SHOC1: variants seen among roughly 807,000 people sequenced by gnomAD.
SHOC1 encodes the protein protein shortage in chiasmata 1 ortholog.
Under a neutral mutation model 179.2 loss-of-function variants are expected in SHOC1, and 136 were observed. The ratio of observed to expected loss-of-function variants is 0.76; its 90% CI spans 0.66 to 0.87. The LOEUF is 0.87. Ranked by LOEUF, SHOC1 falls within the 40% of genes least tolerant of loss-of-function variation. The pLI is 0.00. For missense variants in SHOC1, 1,538 were observed against 1,700.8 expected, an observed-to-expected ratio of 0.90 and a Z score of 1.68; for synonymous variants, 489 against 586.6, an observed-to-expected ratio of 0.83 and a Z score of 2.41.
At chr9:111,774,566 G>A (rs1026337746) in intron 5 of SHOC1, among the ~76,000 whole-genome samples, 3 of 152,028 alleles carry the variant, frequency 2.0e-5, no homozygotes, top group Admixed American at 6.6e-5. Flanking sequence ...AGTAGACTTG[G>A]ACTGAAAATT....
At chr9:111,687,536 T>TA (rs1415013108) in intron 27 of SHOC1, among the ~76,000 whole-genome samples, 1 of 152,224 alleles carries the variant, frequency 6.6e-6, no homozygotes, top group East Asian at 1.9e-4. Flanking sequence ...CTAACATTTT[T>TA]AAGTAAAAAC....
chr9:111,750,196 TG>T (rs1217121877), intron 8 of SHOC1, among the ~76,000 whole-genome samples: 6 of 152,216 alleles, frequency 3.9e-5, no homozygotes, highest in African/African-American at 9.6e-5. Flanking sequence ...CAACATCTAT[TG>T]TTTTTTTACT....
rs758506342 is a variant in SHOC1 at position 111,775,783 on chromosome 9, C to T, written c.442+8G>A. 1.2e-5 allele frequency: 19 copies of T among 1,591,644 alleles called. No individual in the cohort carries two copies. Among genetic ancestry groups the T allele is most frequent in the Admixed American group, 1.1e-4 (6 of 54,686 alleles). ...ATGTTTTACAACAATATAAAATAAA[C>T]GTTTTACCTTGGTTCTGGTTTTGAA... On this transcript the variant is annotated splice_region_variant and intron_variant, in intron 5 of 27. Coordinates refer to ENST00000682961, the MANE Select transcript of SHOC1 (RefSeq NM_001378211.1).
In SHOC1 at chr9:111,714,609, C is replaced by G. The variant is rs1361842395; in HGVS notation, c.2251G>C (p.Ala751Pro). 6.2e-7 allele frequency: 1 copy of G among 1,609,978 alleles called. No homozygotes were observed. The highest frequency in any genetic ancestry group is 2.2e-5 in the East Asian group (1 of 44,710). Residue 751 changes from alanine (A) to proline (P), a missense_variant, in exon 17 of 28, where the codon GCA becomes CCA. Physicochemically the swap from Ala to Pro is conservative, Grantham distance 27 (BLOSUM62 -1). Transcript: ENST00000682961. Reference sequence around the variant, plus strand: ...AAAATGCTGTTGTAGATATCTTTTGCCTTCGACAAATATCCTATTGAAGCA... The same window carrying G: ...AAAATGCTGTTGTAGATATCTTTTGGCTTCGACAAATATCCTATTGAAGCA... Reference protein sequence around the residue: ...LDTALGYLSKAKDIYNSILGP... With the variant: ...LDTALGYLSKPKDIYNSILGP...
intron 27 of SHOC1, among the ~76,000 whole-genome samples, chr9:111,688,486 A>G (rs1831282584): frequency 6.6e-6 from 1 of 152,188 alleles, no homozygotes; most frequent in Non-Finnish European, 1.5e-5. Context: ...ACATTCACAG[A>G]TGAAAACAGT....
chr9:111,783,084 A>G (rs550500937), intron 3 of SHOC1, among the ~76,000 whole-genome samples: 2 of 152,166 alleles, frequency 1.3e-5, no homozygotes, highest in South Asian at 4.1e-4. Context: ...AATTGTTTCC[A>G]TTGGCAAACA....
chr9:111,722,444 T>C lies in SHOC1; in HGVS notation c.2096A>G (p.Glu699Gly), dbSNP rs1833100761. 1 of 1,608,568 alleles carries C rather than the reference T, an allele frequency of 6.2e-7. No individual in the cohort carries two copies. The highest frequency in any genetic ancestry group is 8.5e-7 in the Non-Finnish European group (1 of 1,178,962). Residue 699 changes from glutamate to glycine, a missense_variant, in exon 15 of 28, where the codon GAA becomes GGA. Physicochemically the swap from Glu to Gly is moderately conservative, Grantham distance 98 (BLOSUM62 -2). Coordinates refer to ENST00000682961, the MANE Select transcript of SHOC1 (RefSeq NM_001378211.1). ...AGCATCACTTACTACTTTTTCTTGT[T>C]CCTTTAAGAGAAACCTTGTTTGGTC... ...IFDQTRFLLK[E>G]QEKVVSDAVR... is the part of the protein sequence containing the mutation.
chr9:111,755,877 C>T (rs1400045318), intron 8 of SHOC1, among the ~76,000 whole-genome samples: 1 of 152,054 alleles, frequency 6.6e-6, no homozygotes, highest in Admixed American at 6.5e-5. Flanking sequence ...AATCTTAGCA[C>T]TTTGGGAGGC....
At chr9:111,745,251 AC>A (rs1379000924) in intron 10 of SHOC1, among the ~76,000 whole-genome samples, 2 of 152,218 alleles carry the variant, frequency 1.3e-5, no homozygotes, top group Non-Finnish European at 2.9e-5. Context: ...CAGACCTATG[AC>A]AAATCTTTTA....
intron 20 of SHOC1, 101 bp downstream of exon 20, chr9:111,706,467 C>T: frequency 2.4e-6 from 2 of 844,612 alleles, no homozygotes; most frequent in Non-Finnish European, 3.4e-6. Flanking sequence ...GAACTCAAGG[C>T]TTCTAATGTC....
In SHOC1 at chr9:111,699,967, T is replaced by G. The variant is rs1266173523; in HGVS notation, c.3170A>C (p.Glu1057Ala). 21 of 1,604,510 alleles carry G rather than the reference T, an allele frequency of 1.3e-5. No homozygotes were observed. Among genetic ancestry groups the G allele is most frequent in the Non-Finnish European group, 1.7e-5 (20 of 1,174,254 alleles). Reference sequence around the variant, plus strand: ...GGAAAAGAATACCTTTACATCCAGTTCTTCAGAGTTTAGCCCAAATGAAAC... The same window carrying G: ...GGAAAAGAATACCTTTACATCCAGTGCTTCAGAGTTTAGCCCAAATGAAAC... ...ALVSFGLNSE[E>A]LDVKLIIAPG... Residue 1057 changes from glutamate (E) to alanine (A), a missense_variant, in exon 24 of 28, where the codon GAA becomes GCA. Coordinates refer to ENST00000682961, the MANE Select transcript of SHOC1 (RefSeq NM_001378211.1).
rs1251374112 is a variant in SHOC1, at chr9:111,700,046, A to T, written c.3091T>A (p.Tyr1031Asn). The T allele has an allele frequency of 6.8e-7, 1 of 1,472,042 alleles. No individual in the cohort carries two copies. Among genetic ancestry groups the T allele is most frequent in the Non-Finnish European group, 9.4e-7 (1 of 1,061,546 alleles). The allele number at this position is 1,472,042 out of a possible 1,614,324, so 91.2% of individuals were successfully genotyped here. ...LYTKETLNSE[Y>N]LLTEKTLHHL... Reference sequence around the variant, plus strand: ...TGAAGTGTCTTTTCTGTAAGCAGATACCTACAAAGAATTATATTACTATAT... The same window carrying T: ...TGAAGTGTCTTTTCTGTAAGCAGATTCCTACAAAGAATTATATTACTATAT... The change falls in exon 24 of 28, where the codon TAT becomes AAT. Residue 1031 changes from tyrosine (Y) to asparagine (N), a missense_variant and splice_region_variant. By Grantham distance (143) the Tyr-to-Asn change is moderately radical. Transcript: ENST00000682961.
intron 2 of SHOC1, among the ~76,000 whole-genome samples, chr9:111,789,272 A>T (rs1836369737): frequency 6.6e-6 from 1 of 152,208 alleles, no homozygotes; most frequent in Admixed American, 6.5e-5. Context: ...AAAGATTCAC[A>T]GTAAATAGGA....
intron 17 of SHOC1, among the ~76,000 whole-genome samples, 161 bp from the exon 18 acceptor site, chr9:111,713,333 CAAGG>C (rs1294172092): frequency 2.0e-5 from 3 of 152,056 alleles, no homozygotes; most frequent in Non-Finnish European, 2.9e-5. Context: ...TACTTAAACT[CAAGG>C]AATATATTCT....
intron 5 of SHOC1, among the ~76,000 whole-genome samples, chr9:111,759,791 C>A (rs1835058046): frequency 6.6e-6 from 1 of 152,144 alleles, no homozygotes; most frequent in Non-Finnish European, 1.5e-5. Context: ...TAATGTCTCC[C>A]ACGGTTAACT....
chr9:111,738,474 T>G lies in SHOC1; in HGVS notation c.1223A>C (p.Lys408Thr). Reference protein sequence around the residue: ...PHSQYSVTDLKKIFSVKEESL... With the variant: ...PHSQYSVTDLTKIFSVKEESL... ...TTCTTCTTTAACAGAAAATATCTTTTTCAAATCTGTAACTGAATATTGGCT... is the reference window on the plus strand; with the variant it reads ...TTCTTCTTTAACAGAAAATATCTTTGTCAAATCTGTAACTGAATATTGGCT... Residue 408 changes from lysine to threonine, a missense_variant, in exon 12 of 28, where the codon AAA becomes ACA. By Grantham distance (78) the Lys-to-Thr change is moderately conservative (BLOSUM62 -1). Coordinates refer to ENST00000682961, the MANE Select transcript of SHOC1 (RefSeq NM_001378211.1). 2.5e-6 allele frequency: 4 copies of G among 1,602,160 alleles called. 1 individual carries two copies. The South Asian group carries it at 3.4e-5, about 14-fold the overall frequency.
chr9:111,741,474 A>G lies in SHOC1; in HGVS notation c.1174+2T>C. On this transcript the variant is annotated splice_donor_variant, in intron 11 of 27. Transcript: ENST00000682961. LOFTEE classifies it high-confidence loss of function. ...TATCACTTAAAGGCAATTAATCTTT[A>G]CCTGTAAGCAAAAATGGGTTCAAAG... 1 of 1,576,464 alleles carries G rather than the reference A, an allele frequency of 6.3e-7. No homozygotes were observed. Among genetic ancestry groups the G allele is most frequent in the South Asian group, 1.1e-5 (1 of 89,676 alleles).
In SHOC1 at chr9:111,782,597, G is replaced by A. The variant is rs111432342; in HGVS notation, c.170-1580C>T. Among the ~76,000 whole-genome samples, 525 of 151,930 alleles carry A rather than the reference G, an allele frequency of 3.5e-3. 2 individuals are homozygous for A. The highest frequency in any genetic ancestry group is 0.012 in the African/African-American group (490 of 41,418). ...TTACTGGAAAAAAAATCACCCAGCC[G>A]TGCTAAAGGAACTCATTCCAAATTA... is the stretch of plus-strand genomic sequence containing the variant. On this transcript the variant is annotated intron_variant, in intron 3 of 27. Coordinates refer to ENST00000682961, the MANE Select transcript of SHOC1 (RefSeq NM_001378211.1).
chr9:111,723,542 T>C (rs1833163092), intron 14 of SHOC1, among the ~76,000 whole-genome samples: 1 of 152,128 alleles, frequency 6.6e-6, no homozygotes, highest in South Asian at 2.1e-4. Flanking sequence ...CAGATTGATA[T>C]AGGGAAGCAG....
Sources: gnomAD v4.1 joint callset for allele counts (sites outside exome capture counted in the v4.1 genomes callset) on GRCh38, gnomAD v4.1.1 for gene constraint, MANE v1.5 for transcripts, NCBI Gene and HGNC (gene_info 2026-07-23, HGNC 2026-07-21) for gene names.